LHX5: variants seen among roughly 807,000 people sequenced by gnomAD.
LHX5 encodes LIM homeobox 5.
A neutral mutation model predicts 30.6 loss-of-function variants in LHX5; 5 were observed. The observed-to-expected ratio is 0.16, with a 90% CI of 0.09 to 0.34. LHX5 has a LOEUF of 0.34. Ranked by LOEUF, LHX5 falls within the 10% of genes least tolerant of loss-of-function variation. LHX5 has a pLI of 1.00. For synonymous variants in LHX5, 266 were observed against 252.6 expected (o/e 1.05, Z -0.50); for missense variants, 458 against 570.6 (o/e 0.80, Z 2.01).
chr12:113,471,862 A>C lies in LHX5; in HGVS notation c.-364T>G. ...CCACTTTCAAGCGGTCCGGATCCTCATCTTTGTCTGGTCGCCGCGTAATTC... is the reference window on the plus strand; with the variant it reads ...CCACTTTCAAGCGGTCCGGATCCTCCTCTTTGTCTGGTCGCCGCGTAATTC... On this transcript the variant is annotated 5_prime_UTR_variant, in exon 1 of 5. It removes an upstream start codon present in the reference 5' UTR. Transcript: ENST00000261731. 1 of 250,326 alleles carries C rather than the reference A, an allele frequency of 4.0e-6. No homozygotes were observed. 15.5% of individuals were successfully genotyped at this position (250,326 alleles called of 1,614,324 possible). A position where few individuals can be genotyped will look rare whatever the true frequency, so the allele number is the denominator to read the frequency against.
rs1453925861 is a variant in LHX5 at position 113,462,155 on chromosome 12, C to T, written c.*1035G>A. 2 of 151,996 alleles carry T rather than the reference C, an allele frequency of 1.3e-5. No individual in the cohort carries two copies. Among genetic ancestry groups the T allele is most frequent in the African/African-American group, 2.4e-5 (1 of 41,408 alleles). The allele number at this position is 151,996 out of a possible 1,614,324, so 9.4% of individuals were successfully genotyped here. On this transcript the variant is annotated 3_prime_UTR_variant, in exon 5 of 5. Transcript: ENST00000261731. ...GCTTCCCCTCCGTCACTCTGCCCTA[C>T]CTCCTCTTAAAAATATAAAAATGTC...
rs1357971464 is a variant in LHX5, at chr12:113,463,941, T to C, written c.842-384A>G. Among the ~76,000 whole-genome samples the C allele has an allele frequency of 2.0e-5, 3 of 151,480 alleles. No individual in the cohort carries two copies. The highest frequency in any genetic ancestry group is 4.2e-4 in the South Asian group (2 of 4,756). ...CCAGAGACGCAGAGACAGACAATGA[T>C]TCCTAAGTGTCTTAGGGTCGGTGAG... is the stretch of plus-strand genomic sequence containing the variant. On this transcript the variant is annotated intron_variant, in intron 4 of 4. Coordinates refer to ENST00000261731, the MANE Select transcript of LHX5 (RefSeq NM_022363.3). This position sits in a 1 kb window ranked among gnomAD's most constrained non-coding sequence, Gnocchi z 6.7.
In LHX5 at chr12:113,463,015, C is replaced by A; in HGVS notation, c.*175G>T. ...GAGCCCGCGGGGTGGAGATGGGGGT[C>A]GGCCCCCCCTCGGCGCCCAGCCGAG... is the stretch of plus-strand genomic sequence containing the variant. On this transcript the variant is annotated 3_prime_UTR_variant, in exon 5 of 5. Coordinates refer to ENST00000261731, the MANE Select transcript of LHX5 (RefSeq NM_022363.3). The surrounding 1 kb of genome is among the most constrained non-coding windows in gnomAD (Gnocchi z 6.7). 1 of 574,616 alleles carries A rather than the reference C, an allele frequency of 1.7e-6. No individual in the cohort carries two copies. Among genetic ancestry groups the A allele is most frequent in the South Asian group, 2.3e-5 (1 of 43,578 alleles). The allele number at this position is 574,616 out of a possible 1,614,324, so 35.6% of individuals were successfully genotyped here. A position where few individuals can be genotyped will look rare whatever the true frequency, so the allele number is the denominator to read the frequency against.
rs1006682823 is a variant in LHX5, at chr12:113,467,606, G to C, written c.676-185C>G. The stretch of plus-strand genomic sequence containing the variant: ...AGAGAGGCTTCGGCGAACCAGCCAA[G>C]GGTGAAGGATTTCGCGGACCCGTGG... On this transcript the variant is annotated intron_variant, in intron 3 of 4. Transcript: ENST00000261731. This position sits in a 1 kb window ranked among gnomAD's most constrained non-coding sequence, Gnocchi z 6.3. Among the ~76,000 whole-genome samples, 1 of 152,244 alleles carries C rather than the reference G, an allele frequency of 6.6e-6. No homozygotes were observed. The highest frequency in any genetic ancestry group is 1.5e-5 in the Non-Finnish European group (1 of 68,044).
At position 113,462,539 on chromosome 12, in the gene LHX5, T is replaced by C. The variant is rs1475929860; in HGVS notation, c.*651A>G. 2.6e-5 allele frequency: 4 copies of C among 151,442 alleles called. No individual in the cohort carries two copies. The highest frequency in any genetic ancestry group is 4.9e-5 in the African/African-American group (2 of 41,158). 9.4% of individuals were successfully genotyped at this position (151,442 alleles called of 1,614,324 possible). ...GAGAAGCTGACCTTGAGCCTCAAGA[T>C]TGGCCACCAGGGAGCGCCAGCGTGC... is the stretch of plus-strand genomic sequence containing the variant. On this transcript the variant is annotated 3_prime_UTR_variant, in exon 5 of 5. Transcript: ENST00000261731.
Position 113,463,646 on chromosome 12 carries a change from G to T in LHX5, c.842-89C>A, listed in dbSNP as rs1958193161. On this transcript the variant is annotated intron_variant, in intron 4 of 4. Transcript: ENST00000261731. This position sits in a 1 kb window ranked among gnomAD's most constrained non-coding sequence, Gnocchi z 6.7. ...CGGGACCCGGGGAGGGGACCCGGGC[G>T]GGCGAGAGAGGGGAGCGCGCGACAC... The T allele has an allele frequency of 6.7e-6, 9 of 1,347,726 alleles. No homozygotes were observed. The South Asian group carries it at 1.2e-4, about 18-fold the overall frequency. The allele number at this position is 1,347,726 out of a possible 1,614,324, so 83.5% of individuals were successfully genotyped here. A position where few individuals can be genotyped will look rare whatever the true frequency, so the allele number is the denominator to read the frequency against.
In LHX5 at chr12:113,462,636, C is replaced by CTGGCTGACG. The variant is rs1958181946; in HGVS notation, c.*545_*553dup. On this transcript the variant is annotated 3_prime_UTR_variant, in exon 5 of 5. Coordinates refer to ENST00000261731, the MANE Select transcript of LHX5 (RefSeq NM_022363.3). ...CTCGCTCGCTCTCCGTCTTCTCCCT[C>CTGGCTGACG]TGGCTGACGCTGTCTCTCCATCTCC... 6.6e-6 allele frequency: 1 copy of CTGGCTGACG among 152,202 alleles called. No homozygotes were observed. Among genetic ancestry groups the CTGGCTGACG allele is most frequent in the South Asian group, 2.1e-4 (1 of 4,802 alleles). The allele number at this position is 152,202 out of a possible 1,614,324, so 9.4% of individuals were successfully genotyped here.
rs540477692 is a variant in LHX5, at chr12:113,465,375, G to A, written c.842-1818C>T. 3.3e-5 allele frequency among the ~76,000 whole-genome samples: 5 copies of A among 152,208 alleles called. No homozygotes were observed. Among genetic ancestry groups the A allele is most frequent in the Non-Finnish European group, 5.9e-5 (4 of 68,024 alleles). ...TGCGCGCCGCCTCCGCCCATATGGC[G>A]GCCGGGCCGGAGGTAATTGGAACAA... On this transcript the variant is annotated intron_variant, in intron 4 of 4. Transcript: ENST00000261731. This position sits in a 1 kb window ranked among gnomAD's most constrained non-coding sequence, Gnocchi z 6.7.
chr12:113,469,507 G>A (rs1451855607), intron 1 of LHX5, among the ~76,000 whole-genome samples, 162 bp from the exon 2 acceptor site: 1 of 152,220 alleles, frequency 6.6e-6, no homozygotes, highest in African/African-American at 2.4e-5. Context: ...GGAGAAGTGG[G>A]ACAAATGTCC....
Position 113,463,085 on chromosome 12 carries a change from G to A in LHX5, c.*105C>T. 1.0e-6 allele frequency: 1 copy of A among 995,556 alleles called. No individual in the cohort carries two copies. Among genetic ancestry groups the A allele is most frequent in the Non-Finnish European group, 1.4e-6 (1 of 717,868 alleles). The allele number at this position is 995,556 out of a possible 1,614,324, so 61.7% of individuals were successfully genotyped here. On this transcript the variant is annotated 3_prime_UTR_variant, in exon 5 of 5. Transcript: ENST00000261731. This position sits in a 1 kb window ranked among gnomAD's most constrained non-coding sequence, Gnocchi z 6.7. ...GCGGACCCGAGAGAGAACCCCCGAG[G>A]GACACCCACGTCTCCCACCGCGTCT...
At position 113,471,566 on chromosome 12, in the gene LHX5, G is replaced by A. The variant is rs1958252163; in HGVS notation, c.-68C>T. On this transcript the variant is annotated 5_prime_UTR_variant, in exon 1 of 5. Coordinates refer to ENST00000261731, the MANE Select transcript of LHX5 (RefSeq NM_022363.3). ...GGGCCCCTGGCCCTCGGGCCTGCCG[G>A]GCCCTCCGCTGCCCTTCGCCTCTTG... 1 of 1,446,952 alleles carries A rather than the reference G, an allele frequency of 6.9e-7. No individual in the cohort carries two copies. The highest frequency in any genetic ancestry group is 9.3e-7 in the Non-Finnish European group (1 of 1,071,462). The allele number at this position is 1,446,952 out of a possible 1,614,324, so 89.6% of individuals were successfully genotyped here. A position where few individuals can be genotyped will look rare whatever the true frequency, so the allele number is the denominator to read the frequency against.
intron 1 of LHX5, among the ~76,000 whole-genome samples, chr12:113,470,306 G>A (rs1462411114): frequency 6.6e-6 from 1 of 152,186 alleles, no homozygotes; most frequent in Non-Finnish European, 1.5e-5. Flanking sequence ...ATGTAGTGAG[G>A]GCATTAGAAG....
At chr12:113,469,608 T>C (rs1453429814) in intron 1 of LHX5, among the ~76,000 whole-genome samples, 1 of 152,206 alleles carries the variant, frequency 6.6e-6, no homozygotes, top group African/African-American at 2.4e-5. Context: ...GGGTGCAGCC[T>C]TCAGCCAAGA....
chr12:113,471,274 T>G (rs1279319595), intron 1 of LHX5, 52 bp downstream of exon 1: 2 of 1,594,022 alleles, frequency 1.3e-6, no homozygotes, highest in Non-Finnish European at 1.7e-6. Flanking sequence ...AGCGCCCCAG[T>G]GGAGCGCGCG....
In LHX5 at chr12:113,463,637, G is replaced by T. The variant is rs1958193021; in HGVS notation, c.842-80C>A. On this transcript the variant is annotated intron_variant, in intron 4 of 4. Coordinates refer to ENST00000261731, the MANE Select transcript of LHX5 (RefSeq NM_022363.3). The surrounding 1 kb of genome is among the most constrained non-coding windows in gnomAD (Gnocchi z 6.7). ...CGGGGGACCCGGGACCCGGGGAGGG[G>T]ACCCGGGCGGGCGAGAGAGGGGAGC... 1.3e-5 allele frequency: 18 copies of T among 1,409,532 alleles called. No homozygotes were observed. The highest frequency in any genetic ancestry group is 1.6e-5 in the Non-Finnish European group (17 of 1,071,664). 87.3% of individuals were successfully genotyped at this position (1,409,532 alleles called of 1,614,324 possible).
Position 113,471,556 on chromosome 12 carries a change from G to C in LHX5, c.-58C>G. 2 of 1,473,322 alleles carry C rather than the reference G, an allele frequency of 1.4e-6. No homozygotes were observed. Among genetic ancestry groups the C allele is most frequent in the Non-Finnish European group, 1.8e-6 (2 of 1,091,784 alleles). The allele number at this position is 1,473,322 out of a possible 1,614,324, so 91.3% of individuals were successfully genotyped here. On this transcript the variant is annotated 5_prime_UTR_variant, in exon 1 of 5. Transcript: ENST00000261731. ...CCCTCCCTTTGGGCCCCTGGCCCTCGGGCCTGCCGGGCCCTCCGCTGCCCT... is the reference window on the plus strand; with the variant it reads ...CCCTCCCTTTGGGCCCCTGGCCCTCCGGCCTGCCGGGCCCTCCGCTGCCCT...
rs536974541 is a variant in LHX5, at chr12:113,463,248, C to T, written c.1151G>A (p.Gly384Asp). Residue 384 changes from glycine to aspartate, a missense_variant, in exon 5 of 5, where the codon GGC becomes GAC. Gly to Asp is a moderately conservative substitution (Grantham distance 94). Around this residue, in one of 3 missense-constraint regions of LHX5, gnomAD observed 255 missense variants for 246.8 expected, o/e 1.03. Transcript: ENST00000261731. This position sits in a 1 kb window ranked among gnomAD's most constrained non-coding sequence, Gnocchi z 6.7. ...GGGATGCGACAGGGGTCCGCTGTAGCCGCTGGTGCCGCTCATTGGGAAGGG... is the reference window on the plus strand; with the variant it reads ...GGGATGCGACAGGGGTCCGCTGTAGTCGCTGGTGCCGCTCATTGGGAAGGG... ...SPPFPMSGTS[G>D]YSGPLSHPNP... The T allele has an allele frequency of 4.8e-5, 73 of 1,526,968 alleles. 2 individuals are homozygous for T. In the South Asian group the frequency reaches 8.4e-4, roughly 18 times the overall value. The allele number at this position is 1,526,968 out of a possible 1,614,324, so 94.6% of individuals were successfully genotyped here.
At position 113,471,603 on chromosome 12, in the gene LHX5, G is replaced by T; in HGVS notation, c.-105C>A. ...CCCTTCGCCTCTTGTCTCAGCAGCT[G>T]CAGGGCGAGTCTGGTCCGGACCAAG... On this transcript the variant is annotated 5_prime_UTR_variant, in exon 1 of 5. Transcript: ENST00000261731. 1 of 1,120,054 alleles carries T rather than the reference G, an allele frequency of 8.9e-7. No homozygotes were observed. The highest frequency in any genetic ancestry group is 1.3e-6 in the Non-Finnish European group (1 of 796,528). 69.4% of individuals were successfully genotyped at this position (1,120,054 alleles called of 1,614,324 possible). A position where few individuals can be genotyped will look rare whatever the true frequency, so the allele number is the denominator to read the frequency against.
Position 113,466,642 on chromosome 12 carries a change from G to A in LHX5, c.841+614C>T, listed in dbSNP as rs1348615432. On this transcript the variant is annotated intron_variant, in intron 4 of 4. Coordinates refer to ENST00000261731, the MANE Select transcript of LHX5 (RefSeq NM_022363.3). The surrounding 1 kb of genome is among the most constrained non-coding windows in gnomAD (Gnocchi z 6.5). Reference sequence around the variant, plus strand: ...ATTTGGGCTAACACTGCCAGATGCTGTGCGCACACACCCCGCCACATGGAA... The same window carrying A: ...ATTTGGGCTAACACTGCCAGATGCTATGCGCACACACCCCGCCACATGGAA... 6.6e-6 allele frequency among the ~76,000 whole-genome samples: 1 copy of A among 152,228 alleles called. No homozygotes were observed. The highest frequency in any genetic ancestry group is 1.5e-5 in the Non-Finnish European group (1 of 68,040).
Sources: gnomAD v4.1 joint callset for allele counts (sites outside exome capture counted in the v4.1 genomes callset) on GRCh38, gnomAD v4.1.1 for gene constraint, gnomAD v4.1.1 regional missense constraint, Gnocchi (gnomAD v3.1) non-coding constraint, MANE v1.5 for transcripts, NCBI Gene and HGNC (gene_info 2026-07-23, HGNC 2026-07-21) for gene names.